Variants in FANCM observed in about 807,000 individuals in gnomAD.
FANCM encodes FA complementation group M.
A neutral mutation model predicts 199.5 loss-of-function variants in FANCM; 140 were observed. The observed-to-expected ratio is 0.70, with a 90% confidence interval of 0.61 to 0.81. The LOEUF is 0.81. Among genes scored for constraint, FANCM ranks in the 30% least tolerant of loss-of-function variants. The probability of loss-of-function intolerance (pLI) is 0.00; values close to 1 mark genes in which losing one functional copy is unlikely to be tolerated. For synonymous variants in FANCM, 840 were observed against 836.8 expected (o/e 1.00, Z -0.07); for missense variants, 2,410 against 2,421.4 (o/e 1.00, Z 0.10).
intron 8 of FANCM, among the ~76,000 whole-genome samples, chr14:45,157,763 A>G (rs2139181834): frequency 6.6e-6 from 1 of 152,340 alleles, no homozygotes; most frequent in South Asian, 2.1e-4. Context: ...TTCAAGTCCT[A>G]CGTTTTGTTT....
intron 9 of FANCM, among the ~76,000 whole-genome samples, chr14:45,160,608 G>C (rs1456728402): frequency 1.4e-5 from 2 of 142,770 alleles, no homozygotes; most frequent in Non-Finnish European, 3.0e-5. Flanking sequence ...GCAGTGGCAC[G>C]ATCTCAGCTC....
At chr14:45,141,078 G>A (rs1426012045) in intron 3 of FANCM, among the ~76,000 whole-genome samples, 1 of 152,002 alleles carries the variant, frequency 6.6e-6, no homozygotes, top group Non-Finnish European at 1.5e-5. Flanking sequence ...CACAAGGTCA[G>A]GAGATCCAGA....
chr14:45,139,745 A>G (rs1192796698), intron 2 of FANCM, among the ~76,000 whole-genome samples: 1 of 152,202 alleles, frequency 6.6e-6, no homozygotes, highest in East Asian at 1.9e-4. Context: ...TGGAAGGCCA[A>G]TGCCAGGGAT....
rs1361648486 is a variant in FANCM, at chr14:45,200,642, T to A, written c.*634T>A. 1 of 152,212 alleles carries A rather than the reference T, an allele frequency of 6.6e-6. No individual in the cohort carries two copies. The highest frequency in any genetic ancestry group is 1.5e-5 in the Non-Finnish European group (1 of 68,098). The allele number at this position is 152,212 out of a possible 1,614,324, so 9.4% of individuals were successfully genotyped here. A position where few individuals can be genotyped will look rare whatever the true frequency, so the allele number is the denominator to read the frequency against. Reference sequence around the variant, plus strand: ...CTTGTAATCTGAATTATAATCCCAATATATTGGGGAGGGACCTCCTGGAAC... The same window carrying A: ...CTTGTAATCTGAATTATAATCCCAAAATATTGGGGAGGGACCTCCTGGAAC... On this transcript the variant is annotated 3_prime_UTR_variant, in exon 23 of 23. Coordinates refer to ENST00000267430, the MANE Select transcript of FANCM (RefSeq NM_020937.4).
Position 45,140,635 on chromosome 14 carries a change from G to T in FANCM, c.685G>T (p.Val229Leu), listed in dbSNP as rs572322789. The change falls in exon 3 of 23, where the codon GTA (valine) becomes TTA (leucine). Residue 229 changes from valine (V) to leucine (L), a missense_variant. By Grantham distance (32) the Val-to-Leu change is conservative. Coordinates refer to ENST00000267430, the MANE Select transcript of FANCM (RefSeq NM_020937.4). ...AAAGAACTTTTTTTTTCTTAAGGTT[G>T]TAAGAGAACTAGTCAAATATACAAA... is the stretch of plus-strand genomic sequence containing the variant. ...ALGNYAYCQV[V>L]RELVKYTNHF... The T allele has an allele frequency of 9.5e-6, 15 of 1,578,902 alleles. No individual in the cohort carries two copies. The African/African-American group carries it at 1.3e-4, about 14-fold the overall frequency.
At chr14:45,163,708 A>C (rs1400571925) in intron 9 of FANCM, among the ~76,000 whole-genome samples, 1 of 152,174 alleles carries the variant, frequency 6.6e-6, no homozygotes, top group Non-Finnish European at 1.5e-5. Context: ...AGATATGATA[A>C]ATAGGAGTGA....
At chr14:45,186,579 A>C (rs1889415267) in intron 18 of FANCM, among the ~76,000 whole-genome samples, 2 of 152,340 alleles carry the variant, frequency 1.3e-5, no homozygotes, top group South Asian at 4.1e-4. Flanking sequence ...AAAGTGTTTA[A>C]AAGGCAATGT....
intron 8 of FANCM, among the ~76,000 whole-genome samples, chr14:45,158,367 A>G (rs1227766411): frequency 6.6e-6 from 1 of 152,166 alleles, no homozygotes; most frequent in African/African-American, 2.4e-5. Context: ...CACCCAGAGA[A>G]TTAAGTGCCC....
At chr14:45,180,405 C>T (rs759824529) in intron 14 of FANCM, among the ~76,000 whole-genome samples, 9 of 151,252 alleles carry the variant, frequency 6.0e-5, no homozygotes, top group African/African-American at 1.7e-4. Context: ...TGGACCTCTT[C>T]GTAGGGTAGT....
intron 8 of FANCM, among the ~76,000 whole-genome samples, chr14:45,156,802 C>T (rs145364628): frequency 6.6e-6 from 1 of 151,142 alleles, no homozygotes; most frequent in East Asian, 2.0e-4. Flanking sequence ...CCTGTAGTCT[C>T]AGCTACTCGG....
chr14:45,163,610 T>C (rs145454490), intron 9 of FANCM, among the ~76,000 whole-genome samples: 110 of 152,328 alleles, frequency 7.2e-4, no homozygotes, highest in African/African-American at 2.5e-3. Flanking sequence ...AGGTAAGATA[T>C]GACTTCTAAG....
At chr14:45,163,598 A>T (rs886929751) in intron 9 of FANCM, among the ~76,000 whole-genome samples, 1 of 152,242 alleles carries the variant, frequency 6.6e-6, no homozygotes, top group African/African-American at 2.4e-5. Flanking sequence ...TGGTAGTATA[A>T]AAGGTAAGAT....
At chr14:45,189,631 TA>T (rs1428164621) in intron 20 of FANCM, among the ~76,000 whole-genome samples, 1 of 152,102 alleles carries the variant, frequency 6.6e-6, no homozygotes, top group Non-Finnish European at 1.5e-5. Context: ...TGTGGGAAAA[TA>T]GGGCTTTCTG....
intron 2 of FANCM, among the ~76,000 whole-genome samples, chr14:45,140,190 C>T (rs1280502762): frequency 2.7e-4 from 41 of 152,018 alleles, no homozygotes; most frequent in Admixed American, 2.7e-3. Context: ...ACTGAACTTT[C>T]TTCCTCTTCC....
chr14:45,195,773 C>A (rs1023735920), intron 20 of FANCM, among the ~76,000 whole-genome samples: 1 of 152,140 alleles, frequency 6.6e-6, no homozygotes, highest in Non-Finnish European at 1.5e-5. Context: ...ATCTGATCTT[C>A]CTATTATTTT....
In FANCM at chr14:45,185,383, A is replaced by G. The variant is rs1433009390; in HGVS notation, c.4672+10A>G. On this transcript the variant is annotated intron_variant, in intron 18 of 22. Coordinates refer to ENST00000267430, the MANE Select transcript of FANCM (RefSeq NM_020937.4). ...TCACAGGCTATAAATGGTAAATGTT[A>G]TAATGATCCTTAAAATTTTTTTCAA... 7 of 1,516,352 alleles carry G rather than the reference A, an allele frequency of 4.6e-6. No homozygotes were observed. Among genetic ancestry groups the G allele is most frequent in the South Asian group, 1.2e-5 (1 of 81,444 alleles). 93.9% of individuals were successfully genotyped at this position (1,516,352 alleles called of 1,614,324 possible).
In FANCM at chr14:45,189,379, G is replaced by T; in HGVS notation, c.5340+17G>T. 1.3e-6 allele frequency: 2 copies of T among 1,559,340 alleles called. No individual in the cohort carries two copies. The highest frequency in any genetic ancestry group is 1.8e-6 in the Non-Finnish European group (2 of 1,130,972). On this transcript the variant is annotated intron_variant, in intron 20 of 22. Coordinates refer to ENST00000267430, the MANE Select transcript of FANCM (RefSeq NM_020937.4). ...CCACAGAAGGTATGGATCAAAGAAAGGAAAAATATCTTTAGATGGTTACCA... is the reference window on the plus strand; with the variant it reads ...CCACAGAAGGTATGGATCAAAGAAATGAAAAATATCTTTAGATGGTTACCA...
chr14:45,161,249 C>T (rs72672925), intron 9 of FANCM, among the ~76,000 whole-genome samples: 2 of 152,054 alleles, frequency 1.3e-5, no homozygotes, highest in African/African-American at 4.8e-5. Context: ...TTTATTACTC[C>T]TATATGTAAT....
intron 11 of FANCM, among the ~76,000 whole-genome samples, chr14:45,168,086 A>G (rs1407722439): frequency 2.0e-5 from 3 of 152,062 alleles, no homozygotes; most frequent in South Asian, 2.1e-4. Context: ...AGTTCTCTAT[A>G]TATTTGAAGG....
Sources: gnomAD v4.1 joint callset for allele counts (sites outside exome capture counted in the v4.1 genomes callset) on GRCh38, gnomAD v4.1.1 for gene constraint, MANE v1.5 for transcripts, NCBI Gene and HGNC (gene_info 2026-07-23, HGNC 2026-07-21) for gene names.